The following ADGB variants were observed in gnomAD, a reference collection of about 807,000 sequenced individuals.
The protein encoded by ADGB is calpain-7-like protein.
In ADGB, 172 loss-of-function variants were observed where a neutral mutation model predicts 210.5. The observed-to-expected ratio is 0.82, with a 90% CI of 0.72 to 0.93. The LOEUF (loss-of-function observed/expected upper bound fraction) is 0.93. Ranked by LOEUF, ADGB falls within the 40% of genes least tolerant of loss-of-function variation. The pLI is 0.00. For missense variants in ADGB, 2,025 were observed against 1,964.8 expected (o/e 1.03, Z -0.58); for synonymous variants, 658 against 662.7 (o/e 0.99, Z 0.11).
chr6:146,613,550 A>G (rs1780742593), intron 1 of ADGB, among the ~76,000 whole-genome samples: 1 of 152,204 alleles, frequency 6.6e-6, no homozygotes, highest in South Asian at 2.1e-4. Context: ...CTCTAATGTT[A>G]TTGTAATTTT....
At chr6:146,763,756 A>G in intron 27 of ADGB, 145 bp from the exon 28 acceptor site, 2 of 723,924 alleles carry the variant, frequency 2.8e-6, no homozygotes, top group Non-Finnish European at 4.4e-6. Context: ...AGAACAATAA[A>G]CCAAAAACAC....
intron 1 of ADGB, 26 bp from the exon 2 acceptor site, chr6:146,635,349 C>A (rs573239867): frequency 1.7e-4 from 241 of 1,401,988 alleles, no homozygotes; most frequent in Non-Finnish European, 1.7e-4. Context: ...TTAAACCTAA[C>A]CCACCCACTC....
At chr6:146,784,283 T>A (rs1777841304) in intron 30 of ADGB, among the ~76,000 whole-genome samples, 1 of 152,212 alleles carries the variant, frequency 6.6e-6, no homozygotes, top group Non-Finnish European at 1.5e-5. Flanking sequence ...TACAAGACGA[T>A]GTACCCTTTT....
chr6:146,799,680 C>T (rs1778096930), intron 33 of ADGB, among the ~76,000 whole-genome samples: 1 of 151,716 alleles, frequency 6.6e-6, no homozygotes, highest in Non-Finnish European at 1.5e-5. Flanking sequence ...ATATGTACCA[C>T]TCTGGTAGGG....
At chr6:146,740,226 C>A (rs1489972557) in intron 23 of ADGB, among the ~76,000 whole-genome samples, 1 of 152,120 alleles carries the variant, frequency 6.6e-6, no homozygotes, top group Non-Finnish European at 1.5e-5. Context: ...TTGAGAGCCT[C>A]AGATAACCTT....
rs542190352 is a variant in ADGB, at chr6:146,772,065, G to T, written c.3862+2934G>T. Among the ~76,000 whole-genome samples the T allele has an allele frequency of 1.1e-4, 16 of 152,148 alleles. No individual in the cohort carries two copies. In the East Asian group the frequency reaches 3.1e-3, roughly 29 times the overall value. On this transcript the variant is annotated intron_variant, in intron 29 of 35. Transcript: ENST00000397944. Reference sequence around the variant, plus strand: ...AGCTCAAAATAGTCATGCTACTGTTGTTTATAGCAATTATAAATTATAAAC... The same window carrying T: ...AGCTCAAAATAGTCATGCTACTGTTTTTTATAGCAATTATAAATTATAAAC...
intron 3 of ADGB, among the ~76,000 whole-genome samples, chr6:146,653,515 A>T (rs1339493722): frequency 2.0e-5 from 3 of 152,114 alleles, no homozygotes; most frequent in Non-Finnish European, 4.4e-5. Flanking sequence ...ACATGTTCTC[A>T]CTTATAAGTG....
At chr6:146,741,080 T>G in intron 24 of ADGB, 38 bp from the exon 25 acceptor site, 1 of 1,435,430 alleles carries the variant, frequency 7.0e-7, no homozygotes, top group East Asian at 2.7e-5. Flanking sequence ...CCTTTAAGAA[T>G]TCACATCAAG....
At chr6:146,654,991 C>T (rs574228517) in intron 4 of ADGB, among the ~76,000 whole-genome samples, 14 of 152,230 alleles carry the variant, frequency 9.2e-5, no homozygotes, top group African/African-American at 2.2e-4. Flanking sequence ...TGGTAACCAC[C>T]GTTTCTCTAT....
intron 3 of ADGB, among the ~76,000 whole-genome samples, 168 bp from the exon 4 acceptor site, chr6:146,653,967 A>G (rs1775739809): frequency 1.3e-5 from 2 of 152,152 alleles, no homozygotes; most frequent in Admixed American, 1.3e-4. Flanking sequence ...TGGAACGCTA[A>G]GCATGTGGGA....
intron 27 of ADGB, among the ~76,000 whole-genome samples, chr6:146,759,873 C>T (rs1445424495): frequency 6.6e-6 from 1 of 151,676 alleles, no homozygotes; most frequent in Non-Finnish European, 1.5e-5. Context: ...GAGGTTTGAA[C>T]AAATTTTTAT....
chr6:146,633,647 A>G (rs889995615), intron 1 of ADGB, among the ~76,000 whole-genome samples: 1 of 151,898 alleles, frequency 6.6e-6, no homozygotes, highest in African/African-American at 2.4e-5. Flanking sequence ...TTGATCCCTC[A>G]CTTTCTTTTA....
At chr6:146,752,487 G>A in intron 26 of ADGB, 43 bp from the exon 27 acceptor site, 1 of 1,483,692 alleles carries the variant, frequency 6.7e-7, no homozygotes. Context: ...TTGAGAGAAA[G>A]ACCAACATAC....
intron 13 of ADGB, among the ~76,000 whole-genome samples, chr6:146,704,288 C>CA (rs561627253): frequency 0.065 from 9,017 of 139,706 alleles, 278 homozygotes; most frequent in South Asian, 0.072. Flanking sequence ...CTTTTCTGTG[C>CA]AAAAAAAAAA....
intron 29 of ADGB, chr6:146,770,583 A>T (rs1200693170): frequency 2.1e-6 from 1 of 470,478 alleles, no homozygotes; most frequent in South Asian, 1.6e-5. Flanking sequence ...GAATGAATGC[A>T]TGAACATGCC....
chr6:146,797,955 G>A (rs886621847), intron 33 of ADGB, among the ~76,000 whole-genome samples: 22 of 149,610 alleles, frequency 1.5e-4, no homozygotes, highest in African/African-American at 5.3e-4. Context: ...GTAAATAGTT[G>A]GAGATTCAGC....
At chr6:146,803,389 C>A in intron 35 of ADGB, 1 of 1,608,178 alleles carries the variant, frequency 6.2e-7, no homozygotes. Context: ...TGGTGGCCTG[C>A]ACAAGCCAGT....
chr6:146,762,324 A>G (rs887643284), intron 27 of ADGB, among the ~76,000 whole-genome samples: 2 of 152,062 alleles, frequency 1.3e-5, no homozygotes, highest in African/African-American at 2.4e-5. Flanking sequence ...CTATCCAGAT[A>G]TTTTTTATTT....
intron 5 of ADGB, among the ~76,000 whole-genome samples, chr6:146,663,713 T>C (rs553281486): frequency 2.6e-5 from 4 of 152,204 alleles, no homozygotes; most frequent in South Asian, 2.1e-4. Flanking sequence ...CTGTGGTTTC[T>C]TGTTGATCAA....
Sources: gnomAD v4.1 joint callset for allele counts (sites outside exome capture counted in the v4.1 genomes callset) on GRCh38, gnomAD v4.1.1 for gene constraint, MANE v1.5 for transcripts, NCBI Gene and HGNC (gene_info 2026-07-23, HGNC 2026-07-21) for gene names.